The following ZCCHC2 variants were observed in gnomAD, a reference collection of about 807,000 sequenced individuals.
The protein encoded by ZCCHC2 is zinc finger CCHC domain-containing protein 2.
ZCCHC2 carries 39 observed loss-of-function variants against 103.6 expected under a neutral mutation model. The ratio of observed to expected loss-of-function variants is 0.38; its 90% CI spans 0.29 to 0.49. ZCCHC2 has a LOEUF of 0.49. Among genes scored for constraint, ZCCHC2 ranks in the 20% least tolerant of loss-of-function variants. The pLI is 0.96. For missense variants in ZCCHC2, 1,483 were observed against 1,491.0 expected, an observed-to-expected ratio of 0.99 and a Z score of 0.09; for synonymous variants, 687 against 608.9, an observed-to-expected ratio of 1.13 and a Z score of -1.89.
intron 11 of ZCCHC2, among the ~76,000 whole-genome samples, chr18:62,569,088 C>T (rs998405873): frequency 1.3e-5 from 2 of 152,160 alleles, no homozygotes; most frequent in Non-Finnish European, 2.9e-5. Context: ...ACATTTATTA[C>T]TCAGAAGGAA....
intron 9 of ZCCHC2, among the ~76,000 whole-genome samples, chr18:62,564,191 T>C (rs562363858): frequency 9.9e-4 from 151 of 152,346 alleles, no homozygotes; most frequent in Non-Finnish European, 1.6e-3. Context: ...CCTACTCCAG[T>C]GCCTGCACCC....
chr18:62,523,460 C>T lies in ZCCHC2; in HGVS notation c.36C>T (p.His12=), dbSNP rs1020173952. The part of the protein sequence containing the change: ...LRMKLPLKPT[H]PAEPPPEAEE... ...TGAAGCTGCCGCTGAAGCCAACGCA[C>T]CCCGCGGAGCCGCCGCCCGAGGCGG... Residue 12 remains histidine, a synonymous_variant, in exon 1 of 14, where the codon CAC becomes CAT. Transcript: ENST00000269499. 7.3e-6 allele frequency: 8 copies of T among 1,097,924 alleles called. No individual in the cohort carries two copies. The highest frequency in any genetic ancestry group is 9.0e-6 in the Non-Finnish European group (8 of 889,980). The allele number at this position is 1,097,924 out of a possible 1,614,324, so 68.0% of individuals were successfully genotyped here.
rs765677209 is a variant in ZCCHC2 at position 62,523,779 on chromosome 18, C to T, written c.355C>T (p.Leu119=). The T allele has an allele frequency of 3.9e-6, 6 of 1,538,656 alleles. No individual in the cohort carries two copies. The highest frequency in any genetic ancestry group is 1.4e-5 in the African/African-American group (1 of 72,432). Residue 119 remains leucine (L), a synonymous_variant, in exon 1 of 14, where the codon CTG becomes TTG. Transcript: ENST00000269499. ...AQRLEFMCGL[L]DLCNPLELRF... is the part of the protein sequence containing the mutation. ...GCGCCTGGAGTTCATGTGCGGGCTGCTGGACCTGTGCAACCCGCTGGAGCT... is the reference window on the plus strand; with the variant it reads ...GCGCCTGGAGTTCATGTGCGGGCTGTTGGACCTGTGCAACCCGCTGGAGCT...
rs926685031 is a variant in ZCCHC2 at position 62,577,493 on chromosome 18, A to G, written c.*914A>G. The G allele has an allele frequency of 4.6e-5, 7 of 152,520 alleles. No individual in the cohort carries two copies. The highest frequency in any genetic ancestry group is 1.7e-4 in the African/African-American group (7 of 41,420). The allele number at this position is 152,520 out of a possible 1,614,324, so 9.4% of individuals were successfully genotyped here. On this transcript the variant is annotated 3_prime_UTR_variant, in exon 14 of 14. Coordinates refer to ENST00000269499, the MANE Select transcript of ZCCHC2 (RefSeq NM_017742.6). Reference sequence around the variant, plus strand: ...TCAAAGAGACACTACTTGAGTGAAGATTTCTTCTTTCCCTGTACCAGCTGT... The same window carrying G: ...TCAAAGAGACACTACTTGAGTGAAGGTTTCTTCTTTCCCTGTACCAGCTGT...
At position 62,576,697 on chromosome 18, in the gene ZCCHC2, T is replaced by C. The variant is rs1157934973; in HGVS notation, c.*118T>C. 6.0e-6 allele frequency: 6 copies of C among 992,854 alleles called. No individual in the cohort carries two copies. The highest frequency in any genetic ancestry group is 8.9e-6 in the Non-Finnish European group (6 of 671,716). The allele number at this position is 992,854 out of a possible 1,614,324, so 61.5% of individuals were successfully genotyped here. On this transcript the variant is annotated 3_prime_UTR_variant, in exon 14 of 14. Transcript: ENST00000269499. ...ATACATTTCCTAGATTTCTATGCAG[T>C]TGGGATTTTTCATTTCTCTTGTACC...
At chr18:62,555,298 C>T (rs1349883576) in intron 5 of ZCCHC2, among the ~76,000 whole-genome samples, 5 of 152,168 alleles carry the variant, frequency 3.3e-5, no homozygotes, top group Non-Finnish European at 7.3e-5. Context: ...CTTTTAATTA[C>T]ATTAATAAAA....
chr18:62,524,300 C>T lies in ZCCHC2; in HGVS notation c.876C>T (p.Arg292=), dbSNP rs1425242081. ...EHLERLRAAL[R]GGPEDAEVEV... is the part of the protein sequence containing the mutation. ...TGGAGAGGCTCCGCGCCGCGCTCCGCGGGGGCCCCGAGGACGCGGAGGTGG... is the reference window on the plus strand; with the variant it reads ...TGGAGAGGCTCCGCGCCGCGCTCCGTGGGGGCCCCGAGGACGCGGAGGTGG... Residue 292 remains arginine (R), a synonymous_variant, in exon 1 of 14, where the codon CGC becomes CGT. Transcript: ENST00000269499. 4.5e-6 allele frequency: 7 copies of T among 1,548,554 alleles called. No homozygotes were observed. The highest frequency in any genetic ancestry group is 6.1e-6 in the Non-Finnish European group (7 of 1,146,318).
At position 62,574,928 on chromosome 18, in the gene ZCCHC2, T is replaced by C; in HGVS notation, c.2847T>C (p.Gly949=). Reference sequence around the variant, plus strand: ...CTTCTCCCCAGCCAGCGAGCGCAGGTATCAGCCAGGCCCAGGCAACTGTTC... The same window carrying C: ...CTTCTCCCCAGCCAGCGAGCGCAGGCATCAGCCAGGCCCAGGCAACTGTTC... ...AATSPQPASA[G]ISQAQATVPP... The change falls in exon 13 of 14, where the codon GGT becomes GGC. Residue 949 remains glycine (G), a synonymous_variant. Transcript: ENST00000269499. 2 of 1,613,786 alleles carry C rather than the reference T, an allele frequency of 1.2e-6. No individual in the cohort carries two copies. Among genetic ancestry groups the C allele is most frequent in the African/African-American group, 2.7e-5 (2 of 75,012 alleles).
At chr18:62,556,965 T>A (rs1680480582) in intron 6 of ZCCHC2, among the ~76,000 whole-genome samples, 1 of 152,214 alleles carries the variant, frequency 6.6e-6, no homozygotes, top group South Asian at 2.1e-4. Context: ...TTCCTTCTGC[T>A]CCCTGTGCTC....
chr18:62,530,949 A>T (rs566422046), intron 1 of ZCCHC2, among the ~76,000 whole-genome samples: 2 of 152,234 alleles, frequency 1.3e-5, no homozygotes. Context: ...TTCAGAGCAC[A>T]GACTAGAATC....
At chr18:62,573,856 C>T (rs940917211) in intron 12 of ZCCHC2, among the ~76,000 whole-genome samples, 2 of 152,082 alleles carry the variant, frequency 1.3e-5, no homozygotes, top group East Asian at 1.9e-4. Flanking sequence ...TTTATATCCC[C>T]GTATTTTAAA....
At chr18:62,564,771 AAATATT>A in intron 10 of ZCCHC2, 136 bp downstream of exon 10, 1 of 762,672 alleles carries the variant, frequency 1.3e-6, no homozygotes, top group East Asian at 2.8e-5. Context: ...TTTTGGTTCA[AAATATT>A]AATATATGCA....
At chr18:62,570,351 T>A in intron 12 of ZCCHC2, 120 bp downstream of exon 12, 2 of 1,233,284 alleles carry the variant, frequency 1.6e-6, no homozygotes, top group Non-Finnish European at 2.3e-6. Flanking sequence ...TAAATGCCAT[T>A]AACTGATTTT....
chr18:62,546,993 CT>C (rs1915441017), intron 4 of ZCCHC2, among the ~76,000 whole-genome samples: 1 of 152,060 alleles, frequency 6.6e-6, no homozygotes, highest in African/African-American at 2.4e-5. Context: ...TTACCTTATC[CT>C]TTTTTTCTTT....
Position 62,564,572 on chromosome 18 carries a change from A to G in ZCCHC2, c.1688A>G (p.His563Arg). 1 of 1,536,696 alleles carries G rather than the reference A, an allele frequency of 6.5e-7. No homozygotes were observed. The highest frequency in any genetic ancestry group is 8.8e-7 in the Non-Finnish European group (1 of 1,139,806). The change falls in exon 10 of 14, where the codon CAT (histidine) becomes CGT (arginine). Residue 563 changes from histidine to arginine, a missense_variant and splice_region_variant. This residue lies in a region of ZCCHC2 where 884 missense variants were observed against 907.5 expected (regional missense o/e 0.97). Coordinates refer to ENST00000269499, the MANE Select transcript of ZCCHC2 (RefSeq NM_017742.6). ...PEHCVTSADQ[H>R]SAEKRSLSSI... Reference sequence around the variant, plus strand: ...TTGTCTTTTTATTCTTTCTACTAGCATTCTGCTGAAAAACGGAGTTTATCT... The same window carrying G: ...TTGTCTTTTTATTCTTTCTACTAGCGTTCTGCTGAAAAACGGAGTTTATCT...
rs1275283279 is a variant in ZCCHC2, at chr18:62,523,891, C to A, written c.467C>A (p.Ser156Ter). Reference protein sequence around the residue: ...RDSEAKANGLSDPGPLADFRE... With the variant: ...RDSEAKANGL ...TCGGAGGCCAAGGCCAACGGCCTCTCGGACCCGGGGCCGCTGGCCGACTTC... is the reference window on the plus strand; with the variant it reads ...TCGGAGGCCAAGGCCAACGGCCTCTAGGACCCGGGGCCGCTGGCCGACTTC... Residue 156 changes from serine to a stop codon, truncating the protein, a stop_gained, in exon 1 of 14, where the codon TCG becomes TAG. Transcript: ENST00000269499. LOFTEE classifies it high-confidence loss of function. 1 of 1,541,138 alleles carries A rather than the reference C, an allele frequency of 6.5e-7. No homozygotes were observed. Among genetic ancestry groups the A allele is most frequent in the African/African-American group, 1.4e-5 (1 of 72,520 alleles).
Position 62,524,148 on chromosome 18 carries a change from A to G in ZCCHC2, c.724A>G (p.Ile242Val). 1.9e-6 allele frequency: 3 copies of G among 1,544,544 alleles called. No individual in the cohort carries two copies. The highest frequency in any genetic ancestry group is 2.6e-6 in the Non-Finnish European group (3 of 1,145,736). Residue 242 changes from isoleucine (I) to valine (V), a missense_variant, in exon 1 of 14, where the codon ATT (isoleucine) becomes GTT (valine). Ile to Val is a conservative substitution (Grantham distance 29, BLOSUM62 3). Around this residue, in one of 3 missense-constraint regions of ZCCHC2, gnomAD observed 568 missense variants for 525.1 expected, o/e 1.08. Coordinates refer to ENST00000269499, the MANE Select transcript of ZCCHC2 (RefSeq NM_017742.6). ...GGACGGCTCAGGCCCGGAAGGCGGCATTGTGGAGCCCCGGGTCGGCGGCGG... is the reference window on the plus strand; with the variant it reads ...GGACGGCTCAGGCCCGGAAGGCGGCGTTGTGGAGCCCCGGGTCGGCGGCGG... ...EKDGSGPEGG[I>V]VEPRVGGGLG...
intron 1 of ZCCHC2, among the ~76,000 whole-genome samples, chr18:62,528,567 C>T (rs943125069): frequency 6.8e-6 from 1 of 147,514 alleles, no homozygotes; most frequent in Non-Finnish European, 1.5e-5. Flanking sequence ...CCACTGCACT[C>T]TAGCCTGGGC....
rs1275307028 is a variant in ZCCHC2, at chr18:62,524,455, C to G, written c.939+92C>G. 4.3e-6 allele frequency: 6 copies of G among 1,399,422 alleles called. No individual in the cohort carries two copies. The African/African-American group carries it at 7.6e-5, about 18-fold the overall frequency. The allele number at this position is 1,399,422 out of a possible 1,614,324, so 86.7% of individuals were successfully genotyped here. On this transcript the variant is annotated intron_variant, in intron 1 of 13. Coordinates refer to ENST00000269499, the MANE Select transcript of ZCCHC2 (RefSeq NM_017742.6). ...CTCTCGGACGCCCCTTGCCCGAGCC[C>G]CAGCCCGGCGCAGGTGGCTCGGAAT...
Sources: gnomAD v4.1 joint callset for allele counts (sites outside exome capture counted in the v4.1 genomes callset) on GRCh38, gnomAD v4.1.1 for gene constraint, gnomAD v4.1.1 regional missense constraint, MANE v1.5 for transcripts, NCBI Gene and HGNC (gene_info 2026-07-23, HGNC 2026-07-21) for gene names.